Variants in STAC observed in about 807,000 individuals in gnomAD.
STAC encodes SH3 and cysteine rich domain, also known as SH3 and cysteine-rich domain-containing protein.
A neutral mutation model predicts 48.8 loss-of-function variants in STAC; 43 were observed. The observed-to-expected ratio is 0.88, with a 90% CI of 0.69 to 1.14. The LOEUF (loss-of-function observed/expected upper bound fraction) is 1.14, where lower values mean the gene tolerates loss of function less well. STAC is among the 50% of genes most tolerant of loss of function. The probability of loss-of-function intolerance (pLI) is 0.00; values close to 1 mark genes in which losing one functional copy is unlikely to be tolerated. For synonymous variants in STAC, 193 were observed against 179.5 expected (o/e 1.07, Z -0.60); for missense variants, 497 against 504.0 (o/e 0.99, Z 0.13).
chr3:36,521,783 C>T (rs1180024805), intron 8 of STAC, among the ~76,000 whole-genome samples: 1 of 152,116 alleles, frequency 6.6e-6, no homozygotes, highest in Non-Finnish European at 1.5e-5. Context: ...TACTGTATAT[C>T]AATCACAGTG....
chr3:36,527,700 A>G (rs1698967711), intron 8 of STAC, among the ~76,000 whole-genome samples: 1 of 152,184 alleles, frequency 6.6e-6, no homozygotes, highest in Non-Finnish European at 1.5e-5. Flanking sequence ...GAAATAGTAG[A>G]GAAAGTTTTC....
chr3:36,495,503 C>T (rs1698126975), intron 6 of STAC, among the ~76,000 whole-genome samples: 1 of 152,242 alleles, frequency 6.6e-6, no homozygotes, highest in African/African-American at 2.4e-5. Context: ...ACTCCCTCTT[C>T]CTCTCACACC....
chr3:36,417,094 G>A (rs60908287), intron 1 of STAC, among the ~76,000 whole-genome samples: 3,533 of 152,160 alleles, frequency 0.023, 61 homozygotes, highest in East Asian at 0.026. Flanking sequence ...ATTCTCTGCG[G>A]CCCCACAGCC....
chr3:36,382,508 T>C (rs556573626), intron 1 of STAC, among the ~76,000 whole-genome samples: 9 of 152,248 alleles, frequency 5.9e-5, no homozygotes, highest in South Asian at 2.1e-4. Flanking sequence ...AAGTGGTCTA[T>C]ACACCGGATG....
chr3:36,498,915 C>T (rs1231139642), intron 6 of STAC, among the ~76,000 whole-genome samples: 1 of 152,036 alleles, frequency 6.6e-6, no homozygotes, highest in Non-Finnish European at 1.5e-5. Context: ...TAAAAGAAAA[C>T]ATAAAATGCA....
chr3:36,519,346 T>A (rs1698747269), intron 8 of STAC, among the ~76,000 whole-genome samples: 5 of 152,214 alleles, frequency 3.3e-5, no homozygotes, highest in Admixed American at 3.3e-4. Context: ...AGAAAATGTA[T>A]GGTTCTTTTT....
chr3:36,393,342 G>GCTCATTATCCA lies in STAC; in HGVS notation c.111+12594_111+12595insATCCACTCATT, dbSNP rs1409502035. On this transcript the variant is annotated intron_variant, in intron 1 of 10. Transcript: ENST00000273183. Reference sequence around the variant, plus strand: ...ACCTAGAAAATTCAATCTACCTAAAGCTCATTTTCCACCTACTCTGAACCG... The same window carrying GCTCATTATCCA: ...ACCTAGAAAATTCAATCTACCTAAAGCTCATTATCCACTCATTTTCCACCTACTCTGAACCG... 4.6e-5 allele frequency among the ~76,000 whole-genome samples: 7 copies of GCTCATTATCCA among 152,118 alleles called. No homozygotes were observed. In the East Asian group the frequency reaches 1.4e-3, roughly 29 times the overall value.
intron 2 of STAC, among the ~76,000 whole-genome samples, chr3:36,453,828 G>A (rs886784524): frequency 2.0e-5 from 3 of 152,124 alleles, no homozygotes; most frequent in Non-Finnish European, 2.9e-5. Flanking sequence ...CACACCGATC[G>A]GCACTCTGCA....
intron 8 of STAC, among the ~76,000 whole-genome samples, chr3:36,518,880 C>T (rs994922964): frequency 6.6e-6 from 1 of 152,220 alleles, no homozygotes; most frequent in African/African-American, 2.4e-5. Flanking sequence ...GAACCATTCA[C>T]AGGCCCTGTT....
chr3:36,468,718 C>T (rs1375452981), intron 2 of STAC, among the ~76,000 whole-genome samples: 1 of 145,434 alleles, frequency 6.9e-6, no homozygotes, highest in African/African-American at 2.5e-5. Flanking sequence ...ATATAAAATA[C>T]ATATATATGT....
At chr3:36,460,286 C>T (rs894089796) in intron 2 of STAC, among the ~76,000 whole-genome samples, 11 of 152,040 alleles carry the variant, frequency 7.2e-5, no homozygotes, top group Non-Finnish European at 1.5e-4. Context: ...CTCTACATTG[C>T]TGGTTTTCAA....
intron 1 of STAC, among the ~76,000 whole-genome samples, chr3:36,426,708 C>A (rs1700573062): frequency 6.6e-6 from 1 of 151,994 alleles, no homozygotes; most frequent in South Asian, 2.1e-4. Flanking sequence ...ACATCAAATT[C>A]TATAACGTAT....
intron 1 of STAC, among the ~76,000 whole-genome samples, chr3:36,400,126 G>A (rs1382676071): frequency 6.6e-6 from 1 of 152,190 alleles, no homozygotes; most frequent in Non-Finnish European, 1.5e-5. Flanking sequence ...CATCCCCTGC[G>A]AGTTTCTCAG....
At chr3:36,436,914 C>CA (rs1342633193) in intron 1 of STAC, among the ~76,000 whole-genome samples, 1 of 151,662 alleles carries the variant, frequency 6.6e-6, no homozygotes, top group Non-Finnish European at 1.5e-5. Context: ...ACAATGAACT[C>CA]AAACAAATTT....
At chr3:36,465,021 G>T (rs1697126381) in intron 2 of STAC, among the ~76,000 whole-genome samples, 3 of 152,018 alleles carry the variant, frequency 2.0e-5, no homozygotes, top group African/African-American at 7.2e-5. Flanking sequence ...TCTACTTTTA[G>T]TTCTTTACAG....
At chr3:36,420,125 T>A (rs1700414262) in intron 1 of STAC, among the ~76,000 whole-genome samples, 1 of 152,226 alleles carries the variant, frequency 6.6e-6, no homozygotes, top group African/African-American at 2.4e-5. Context: ...CAGTATTAGT[T>A]AGCACTGAGA....
chr3:36,545,010 T>A (rs548240406), intron 10 of STAC, among the ~76,000 whole-genome samples: 5 of 152,278 alleles, frequency 3.3e-5, no homozygotes, highest in Non-Finnish European at 7.4e-5. Flanking sequence ...AGCCCCTTCT[T>A]CTACATGATG....
intron 1 of STAC, among the ~76,000 whole-genome samples, chr3:36,424,388 T>C (rs537366862): frequency 2.6e-4 from 40 of 152,202 alleles, no homozygotes; most frequent in African/African-American, 7.7e-4. Context: ...TGCATTGATA[T>C]GAACCCTTGG....
Position 36,505,843 on chromosome 3 carries a change from CTTCTG to C in STAC, c.920+11_920+15del. 1 of 1,572,482 alleles carries C rather than the reference CTTCTG, an allele frequency of 6.4e-7. No individual in the cohort carries two copies. The highest frequency in any genetic ancestry group is 1.4e-5 in the African/African-American group (1 of 73,040). On this transcript the variant is annotated intron_variant, in intron 8 of 10. Transcript: ENST00000273183. The stretch of plus-strand genomic sequence containing the variant: ...GAAGATTTGGAAATGAGGTAAAAAC[CTTCTG>C]TAAAGAAAAAAAAGAGTAAAATTTT...
Sources: gnomAD v4.1 joint callset for allele counts (sites outside exome capture counted in the v4.1 genomes callset) on GRCh38, gnomAD v4.1.1 for gene constraint, MANE v1.5 for transcripts, NCBI Gene and HGNC (gene_info 2026-07-23, HGNC 2026-07-21) for gene names.